The following KLHL22 variants were observed in gnomAD, a reference collection of about 807,000 sequenced individuals.
The protein encoded by KLHL22 is kelch like family member 22, also known as kelch-like protein 22.
Under a neutral mutation model 60.7 loss-of-function variants are expected in KLHL22, and 18 were observed. The ratio of observed to expected loss-of-function variants is 0.30; its 90% CI spans 0.20 to 0.44. The LOEUF is 0.44. Ranked by LOEUF, KLHL22 falls within the 20% of genes least tolerant of loss-of-function variation. The probability of loss-of-function intolerance (pLI) is 1.00; values close to 1 mark genes in which losing one functional copy is unlikely to be tolerated. For synonymous variants in KLHL22, 355 were observed against 354.5 expected, an observed-to-expected ratio of 1.00 and a Z score of -0.01; for missense variants, 596 against 852.3, an observed-to-expected ratio of 0.70 and a Z score of 3.74.
intron 2 of KLHL22, among the ~76,000 whole-genome samples, chr22:20,477,691 T>A (rs1425620308): frequency 1.3e-5 from 2 of 152,208 alleles, no homozygotes; most frequent in African/African-American, 4.8e-5. Flanking sequence ...TGGGTGCAAT[T>A]AGGAAAATCT....
chr22:20,464,776 A>T (rs2053204622), intron 4 of KLHL22, 82 bp downstream of exon 4: 6 of 839,804 alleles, frequency 7.1e-6, no homozygotes, highest in South Asian at 5.2e-5. Flanking sequence ...GCTGGGGGGA[A>T]CCTGACCAGC....
chr22:20,488,663 C>CGGAGGGGAGGAATGGTAAGGGAGG (rs1569147073), intron 2 of KLHL22: 6 of 218,160 alleles, frequency 2.8e-5, no homozygotes, highest in Middle Eastern at 1.6e-3. Flanking sequence ...TAATTACTGA[C>CGGAGGGGAGGAATGGTAAGGGAGG]GGAGGGGAGG....
chr22:20,465,771 G>A lies in KLHL22; in HGVS notation c.394-195C>T, dbSNP rs557206364. The A allele has an allele frequency of 1.7e-6, 1 of 600,748 alleles. No individual in the cohort carries two copies. Among genetic ancestry groups the A allele is most frequent in the Non-Finnish European group, 3.0e-6 (1 of 336,524 alleles). 37.2% of individuals were successfully genotyped at this position (600,748 alleles called of 1,614,324 possible). On this transcript the variant is annotated intron_variant, in intron 3 of 6. Coordinates refer to ENST00000328879, the MANE Select transcript of KLHL22 (RefSeq NM_032775.4). This position sits in a 1 kb window ranked among gnomAD's most constrained non-coding sequence, Gnocchi z 4.9. Reference sequence around the variant, plus strand: ...CAGACTAGGTTTAAGTCCTGGTTTGGAAACATACTGGGTGACAGGATATAC... The same window carrying A: ...CAGACTAGGTTTAAGTCCTGGTTTGAAAACATACTGGGTGACAGGATATAC...
rs2052968357 is a variant in KLHL22, at chr22:20,451,008, T to C, written c.1306-4332A>G. The C allele has an allele frequency of 3.9e-6, 6 of 1,540,176 alleles. No homozygotes were observed. The East Asian group carries it at 9.0e-5, about 23-fold the overall frequency. ...TCGGAAGCCAGCAGTCTCCCATCGA[T>C]GCAGTAGAGAAATATGACCCCAAGA... On this transcript the variant is annotated intron_variant, in intron 5 of 6. Coordinates refer to ENST00000328879, the MANE Select transcript of KLHL22 (RefSeq NM_032775.4).
rs928438629 is a variant in KLHL22, at chr22:20,450,497, A to G, written c.1306-3821T>C. The G allele has an allele frequency of 1.9e-6, 3 of 1,613,992 alleles. No individual in the cohort carries two copies. In the Admixed American group the frequency reaches 5.0e-5, roughly 27 times the overall value. On this transcript the variant is annotated intron_variant, in intron 5 of 6. Transcript: ENST00000328879. ...AAACAAGCCTGCTGTGAGTTCTTAG[A>G]AAGTCAGTTGGACCCTTCTAATTGC... is the stretch of plus-strand genomic sequence containing the variant.
chr22:20,446,566 A>G lies in KLHL22; in HGVS notation c.1416T>C (p.Thr472=). 1 of 1,613,970 alleles carries G rather than the reference A, an allele frequency of 6.2e-7. No individual in the cohort carries two copies. The change falls in exon 6 of 7, where the codon ACT becomes ACC. Residue 472 remains threonine, a synonymous_variant. Coordinates refer to ENST00000328879, the MANE Select transcript of KLHL22 (RefSeq NM_032775.4). The part of the protein sequence containing the change: ...ETHCYDPGSN[T]WHTLADGPVR... Reference sequence around the variant, plus strand: ...CAGGCCCATCAGCCAGTGTGTGCCAAGTGTTGCTGCCTGGATCGTAGCAGT... The same window carrying G: ...CAGGCCCATCAGCCAGTGTGTGCCAGGTGTTGCTGCCTGGATCGTAGCAGT...
chr22:20,458,445 A>ATTT (rs938534970), intron 4 of KLHL22, among the ~76,000 whole-genome samples: 11,355 of 90,338 alleles, frequency 0.13, 1,249 homozygotes, highest in Non-Finnish European at 0.19. Context: ...AACGCCCGCT[A>ATTT]TTTTTTTTTT....
chr22:20,489,363 T>C, intron 1 of KLHL22, 119 bp from the exon 2 acceptor site: 2 of 709,644 alleles, frequency 2.8e-6, no homozygotes, highest in Non-Finnish European at 4.8e-6. Context: ...TCACCTGTTT[T>C]CCCTCTATTT....
chr22:20,484,005 C>G (rs897025790), intron 2 of KLHL22: 2 of 723,046 alleles, frequency 2.8e-6, no homozygotes, highest in African/African-American at 3.5e-5. Context: ...TGCATAGACG[C>G]TGGCCACGCT....
intron 5 of KLHL22, chr22:20,450,688 G>C (rs922228297): frequency 2.8e-5 from 41 of 1,454,052 alleles, no homozygotes; most frequent in Non-Finnish European, 3.6e-5. Context: ...AATTCAGGTG[G>C]ATCCTGAAGA....
chr22:20,488,897 G>A (rs2053633381), intron 2 of KLHL22, 88 bp downstream of exon 2: 9 of 1,293,804 alleles, frequency 7.0e-6, no homozygotes, highest in Non-Finnish European at 9.6e-6. Context: ...GTGAGCAGGA[G>A]ACCAGCCACT....
chr22:20,464,344 C>T (rs1381008951), intron 4 of KLHL22, among the ~76,000 whole-genome samples: 1 of 152,190 alleles, frequency 6.6e-6, no homozygotes, highest in South Asian at 2.1e-4. Flanking sequence ...GGCTGAAGAC[C>T]GCATGCTGCT....
intron 3 of KLHL22, among the ~76,000 whole-genome samples, chr22:20,469,176 A>G (rs2053276829): frequency 6.6e-6 from 1 of 152,214 alleles, no homozygotes. Flanking sequence ...GAAATGGCAG[A>G]AACATACAGA....
intron 6 of KLHL22, among the ~76,000 whole-genome samples, chr22:20,445,678 C>A (rs2052847742): frequency 1.3e-5 from 2 of 152,176 alleles, no homozygotes; most frequent in Non-Finnish European, 2.9e-5. Flanking sequence ...CAACTCTGGG[C>A]TGAAACAATC....
intron 2 of KLHL22, among the ~76,000 whole-genome samples, chr22:20,476,706 C>A (rs1312072519): frequency 3.5e-5 from 5 of 143,736 alleles, no homozygotes; most frequent in Non-Finnish European, 7.5e-5. Flanking sequence ...AGCCACCACG[C>A]CCGGCCTTTT....
chr22:20,467,849 G>A (rs1436358265), intron 3 of KLHL22, among the ~76,000 whole-genome samples: 2 of 152,062 alleles, frequency 1.3e-5, no homozygotes, highest in East Asian at 3.9e-4. Flanking sequence ...TAGTAGAGAC[G>A]GGGTTTCATC....
chr22:20,469,773 G>A (rs966679752), intron 3 of KLHL22, among the ~76,000 whole-genome samples: 1 of 13,336 alleles, frequency 7.5e-5, no homozygotes, highest in Non-Finnish European at 1.5e-4. Context: ...CCTGTGACTT[G>A]AGTTGTTTTT....
chr22:20,488,642 A>AT, intron 2 of KLHL22: 1 of 264,966 alleles, frequency 3.8e-6, no homozygotes, highest in African/African-American at 3.1e-5. Flanking sequence ...AAGGTGATGC[A>AT]TACACAGCAA....
intron 2 of KLHL22, chr22:20,483,644 C>G: frequency 1.4e-6 from 1 of 725,768 alleles, no homozygotes; most frequent in Non-Finnish European, 2.6e-6. Context: ...CGGGCATTGT[C>G]GATCTACAGA....
Sources: allele counts gnomAD v4.1 joint callset (sites outside exome capture counted in the v4.1 genomes callset), GRCh38; gene constraint gnomAD v4.1.1; non-coding constraint Gnocchi (gnomAD v3.1); transcripts MANE v1.5; gene names NCBI Gene and HGNC (gene_info 2026-07-23, HGNC 2026-07-21).